The following KLHL32 variants were observed in gnomAD, a reference collection of about 807,000 sequenced individuals.
KLHL32 encodes the protein kelch like family member 32.
Under a neutral mutation model 64.8 loss-of-function variants are expected in KLHL32, and 35 were observed. The ratio of observed to expected loss-of-function variants is 0.54; its 90% CI spans 0.41 to 0.72. The LOEUF (loss-of-function observed/expected upper bound fraction) is 0.72. Ranked by LOEUF, KLHL32 falls within the 30% of genes least tolerant of loss-of-function variation. KLHL32 has a pLI of 0.00. For synonymous variants in KLHL32, 259 were observed against 281.0 expected (o/e 0.92, Z 0.78); for missense variants, 589 against 768.5 (o/e 0.77, Z 2.76).
chr6:96,957,023 A>C (rs1435656015), intron 1 of KLHL32, among the ~76,000 whole-genome samples: 3 of 152,212 alleles, frequency 2.0e-5, no homozygotes, highest in African/African-American at 7.2e-5. Flanking sequence ...GGTAACTGCA[A>C]ATGTGGATGT....
intron 4 of KLHL32, among the ~76,000 whole-genome samples, chr6:97,058,033 T>C (rs1241392280): frequency 1.3e-5 from 2 of 152,200 alleles, no homozygotes; most frequent in African/African-American, 4.8e-5. Flanking sequence ...TCTATAATAT[T>C]ATCTATGCTC....
chr6:97,107,678 G>A (rs1796599736), intron 6 of KLHL32, among the ~76,000 whole-genome samples: 1 of 152,196 alleles, frequency 6.6e-6, no homozygotes, highest in Non-Finnish European at 1.5e-5. Flanking sequence ...TAAGTTTAGG[G>A]CACTGTATGC....
chr6:96,900,953 A>G, the KLHL32 span, among the ~76,000 whole-genome samples: 6 of 152,212 alleles, frequency 3.9e-5, no homozygotes, highest in Non-Finnish European at 8.8e-5. Flanking sequence ...AGTTTGGCCA[A>G]TTTCATAGTG....
At chr6:96,912,847 T>C in the KLHL32 span, among the ~76,000 whole-genome samples, 1 of 152,160 alleles carries the variant, frequency 6.6e-6, no homozygotes, top group Non-Finnish European at 1.5e-5. Flanking sequence ...AATTGCTGCT[T>C]ATTTGTCTGT....
chr6:96,900,830 T>C, the KLHL32 span, among the ~76,000 whole-genome samples: 1 of 152,194 alleles, frequency 6.6e-6, no homozygotes, highest in African/African-American at 2.4e-5. Flanking sequence ...GAATGACTTA[T>C]TCTGGCAGAG....
chr6:97,013,478 G>T (rs550891711), intron 3 of KLHL32, among the ~76,000 whole-genome samples: 26 of 152,156 alleles, frequency 1.7e-4, no homozygotes, highest in Non-Finnish European at 3.2e-4. Flanking sequence ...TTACACCAAT[G>T]CTAGGTGGTG....
intron 3 of KLHL32, among the ~76,000 whole-genome samples, chr6:96,993,495 A>G (rs1778112010): frequency 1.3e-5 from 2 of 152,168 alleles, no homozygotes; most frequent in African/African-American, 4.8e-5. Flanking sequence ...TTGTTTGCTA[A>G]TGTCCCCCCT....
chr6:97,123,119 C>T (rs1425989176), intron 7 of KLHL32, among the ~76,000 whole-genome samples: 4 of 151,844 alleles, frequency 2.6e-5, no homozygotes, highest in Non-Finnish European at 4.4e-5. Context: ...TATTTTTTGT[C>T]GTTAAAAAAA....
At chr6:96,935,845 G>C (rs143390415) in intron 1 of KLHL32, among the ~76,000 whole-genome samples, 6 of 152,196 alleles carry the variant, frequency 3.9e-5, no homozygotes, top group Non-Finnish European at 7.4e-5. Context: ...AAATCTCTAT[G>C]CAATAATATG....
Position 97,114,243 on chromosome 6 carries a change from G to C in KLHL32, c.1088G>C (p.Cys363Ser), listed in dbSNP as rs751156873. ...GTTGAGCATGCCAGTGGCCGGACGT[G>C]TGCTGTGAGGACTGCCTGTCGCTAT... ...GEVEHASGRT[C>S]AVRTACRYDP... The change falls in exon 7 of 11, where the codon TGT (cysteine) becomes TCT (serine). Residue 363 changes from cysteine to serine, a missense_variant. Transcript: ENST00000369261. 6 of 1,614,138 alleles carry C rather than the reference G, an allele frequency of 3.7e-6. No individual in the cohort carries two copies. The East Asian group carries it at 1.3e-4, about 36-fold the overall frequency.
At chr6:97,080,586 T>C (rs1178706697) in intron 5 of KLHL32, among the ~76,000 whole-genome samples, 3 of 152,162 alleles carry the variant, frequency 2.0e-5, no homozygotes, top group African/African-American at 4.8e-5. Flanking sequence ...AGAGTAGAAG[T>C]ACACAGGAAG....
the KLHL32 span, among the ~76,000 whole-genome samples, chr6:96,909,055 A>C: frequency 6.6e-6 from 1 of 152,188 alleles, no homozygotes; most frequent in Admixed American, 6.5e-5. Flanking sequence ...GGATCTAAGC[A>C]GCAGAAGGGC....
intron 5 of KLHL32, among the ~76,000 whole-genome samples, chr6:97,075,344 A>G (rs1426858829): frequency 6.6e-6 from 1 of 152,190 alleles, no homozygotes; most frequent in Admixed American, 6.6e-5. Context: ...TTACATATTT[A>G]TATACAAAAT....
rs114153390 is a variant in KLHL32 at position 97,123,064 on chromosome 6, C to T, written c.1355-4340C>T. On this transcript the variant is annotated intron_variant, in intron 7 of 10. Transcript: ENST00000369261. The stretch of plus-strand genomic sequence containing the variant: ...TAGTGCGTTAGCACTGCATTACGAC[C>T]CATAGACATCTACTCCTGGAGTTTA... Among the ~76,000 whole-genome samples the T allele has an allele frequency of 4.1e-3, 620 of 152,268 alleles. 3 individuals are homozygous for T. Among genetic ancestry groups the T allele is most frequent in the African/African-American group, 0.013 (557 of 41,552 alleles).
chr6:96,941,865 T>C (rs1423403978), intron 1 of KLHL32, among the ~76,000 whole-genome samples: 1 of 152,118 alleles, frequency 6.6e-6, no homozygotes, highest in Non-Finnish European at 1.5e-5. Flanking sequence ...TTGTGTGTAA[T>C]TGGGATGAGG....
At chr6:97,019,979 GCT>G (rs1176140911) in intron 3 of KLHL32, among the ~76,000 whole-genome samples, 1 of 137,128 alleles carries the variant, frequency 7.3e-6, no homozygotes, top group Non-Finnish European at 1.5e-5. Context: ...ACAGAGTCTT[GCT>G]CTGTCGCCCA....
In KLHL32 at chr6:97,127,552, C is replaced by T. The variant is rs1799004196; in HGVS notation, c.1413+90C>T. On this transcript the variant is annotated intron_variant, in intron 8 of 10. Transcript: ENST00000369261. ...TAGTAATTGGAATGCCAAGTGTACA[C>T]ACACAGATATGCATCTTTAGCTTAT... 3.0e-5 allele frequency: 30 copies of T among 997,718 alleles called. 1 individual carries two copies. In the South Asian group the frequency reaches 4.0e-4, roughly 13 times the overall value. 61.8% of individuals were successfully genotyped at this position (997,718 alleles called of 1,614,324 possible). A position where few individuals can be genotyped will look rare whatever the true frequency, so the allele number is the denominator to read the frequency against.
intron 5 of KLHL32, among the ~76,000 whole-genome samples, chr6:97,067,996 A>G (rs1375656932): frequency 1.6e-5 from 2 of 123,550 alleles, no homozygotes; most frequent in South Asian, 2.8e-4. Flanking sequence ...AGGAATGGGG[A>G]AAACTTCATA....
the KLHL32 span, among the ~76,000 whole-genome samples, chr6:96,911,110 G>A: frequency 2.6e-5 from 4 of 152,064 alleles, no homozygotes; most frequent in Non-Finnish European, 5.9e-5. Flanking sequence ...CCACAAACTG[G>A]GGGGTTTAAA....
Sources: gnomAD v4.1 joint callset for allele counts (sites outside exome capture counted in the v4.1 genomes callset) on GRCh38, gnomAD v4.1.1 for gene constraint, MANE v1.5 for transcripts, NCBI Gene and HGNC (gene_info 2026-07-23, HGNC 2026-07-21) for gene names.